FAM53A: variants seen among roughly 807,000 people sequenced by gnomAD.
The protein encoded by FAM53A is protein FAM53A.
FAM53A carries 28 observed loss-of-function variants against 26.6 expected under a neutral mutation model. The ratio of observed to expected loss-of-function variants is 1.05; its 90% CI spans 0.78 to 1.45. The LOEUF is 1.45. Ranked by LOEUF, FAM53A falls within the 40% of genes most tolerant of loss-of-function variation. The pLI is 0.00. For missense variants in FAM53A, 650 were observed against 575.8 expected (o/e 1.13, Z -1.32); for synonymous variants, 290 against 253.1 (o/e 1.15, Z -1.38).
At chr4:1,626,294 C>T (rs566639725) in intron 1 of FAM53A, among the ~76,000 whole-genome samples, 4 of 152,336 alleles carry the variant, frequency 2.6e-5, no homozygotes, top group Middle Eastern at 3.4e-3. Context: ...AGACGGTGGC[C>T]GTCACGAGCC....
chr4:1,648,508 T>C (rs1482947079), intron 4 of FAM53A, among the ~76,000 whole-genome samples: 1 of 152,120 alleles, frequency 6.6e-6, no homozygotes, highest in African/African-American at 2.4e-5. Context: ...GGCTCTGGGT[T>C]TGCAGACGTG....
the FAM53A span, among the ~76,000 whole-genome samples, chr4:1,601,593 G>A: frequency 2.7e-5 from 3 of 109,388 alleles, 1 homozygote; most frequent in African/African-American, 9.0e-5. Context: ...TCTGCCATGC[G>A]CCCCATCTGC....
chr4:1,670,819 G>A (rs892946629), intron 1 of FAM53A, among the ~76,000 whole-genome samples: 35 of 152,162 alleles, frequency 2.3e-4, no homozygotes, highest in African/African-American at 8.2e-4. Context: ...CACGCTGGTC[G>A]ATGTCAGCTG....
the FAM53A span, among the ~76,000 whole-genome samples, chr4:1,611,209 C>T: frequency 6.6e-6 from 1 of 152,216 alleles, no homozygotes; most frequent in African/African-American, 2.4e-5. Context: ...TGTGTGTGGC[C>T]TTCACTCCTC....
chr4:1,610,179 T>G, the FAM53A span, among the ~76,000 whole-genome samples: 1 of 151,572 alleles, frequency 6.6e-6, no homozygotes, highest in South Asian at 2.1e-4. Context: ...CACCCAGGAC[T>G]GGGCCCGTCC....
intron 1 of FAM53A, among the ~76,000 whole-genome samples, chr4:1,675,948 C>G (rs932688089): frequency 2.6e-5 from 4 of 152,264 alleles, no homozygotes; most frequent in Admixed American, 1.3e-4. Context: ...ATGGCCGCCT[C>G]ACGGGACAGC....
the FAM53A span, among the ~76,000 whole-genome samples, chr4:1,605,684 T>G: frequency 6.6e-6 from 1 of 151,992 alleles, no homozygotes. The surrounding 1 kb of genome is among the most constrained non-coding windows in gnomAD (Gnocchi z 5.7). Flanking sequence ...CCCTGCAGGG[T>G]GAGCTCTGCC....
chr4:1,664,541 C>T (rs923565003), intron 2 of FAM53A, among the ~76,000 whole-genome samples: 1 of 152,198 alleles, frequency 6.6e-6, no homozygotes, highest in African/African-American at 2.4e-5. Context: ...ATTTAAAATA[C>T]TGACTTGTTT....
At chr4:1,603,183 T>C in the FAM53A span, among the ~76,000 whole-genome samples, 1 of 152,032 alleles carries the variant, frequency 6.6e-6, no homozygotes, top group Admixed American at 6.5e-5. Context: ...TCAGTTTCCT[T>C]GGATAAGACA....
At chr4:1,582,374 G>A in the FAM53A span, among the ~76,000 whole-genome samples, 2 of 152,310 alleles carry the variant, frequency 1.3e-5, no homozygotes, top group East Asian at 1.9e-4. Flanking sequence ...TCCCTGCCAC[G>A]GACGTCACCA....
chr4:1,611,653 G>A, the FAM53A span, among the ~76,000 whole-genome samples: 4 of 152,216 alleles, frequency 2.6e-5, no homozygotes, highest in African/African-American at 9.6e-5. Context: ...CAGCAGAGGC[G>A]CCTCCGTGGG....
the FAM53A span, among the ~76,000 whole-genome samples, chr4:1,585,895 G>T: frequency 6.6e-6 from 1 of 151,202 alleles, no homozygotes; most frequent in African/African-American, 2.4e-5. Flanking sequence ...TGGCTAATTT[G>T]TGTGTGTGTG....
the FAM53A span, among the ~76,000 whole-genome samples, chr4:1,580,577 G>GCCTCCCGCCCTAGGCCCCT: frequency 7.3e-5 from 2 of 27,390 alleles, no homozygotes; most frequent in African/African-American, 3.2e-4. Context: ...CCTAGGCCCC[G>GCCTCCCGCCCTAGGCCCCT]CCTCCTACCT....
chr4:1,664,907 G>A (rs1212503760), intron 2 of FAM53A, among the ~76,000 whole-genome samples: 1 of 152,190 alleles, frequency 6.6e-6, no homozygotes, highest in Non-Finnish European at 1.5e-5. Flanking sequence ...GAACCCAGGA[G>A]GCGGGGGTTA....
At chr4:1,623,390 C>T (rs28722656) in intron 1 of FAM53A, among the ~76,000 whole-genome samples, 2 of 151,500 alleles carry the variant, frequency 1.3e-5, no homozygotes, top group Non-Finnish European at 2.9e-5. Context: ...AGCAGAGTTG[C>T]GTTTCCGGCC....
chr4:1,598,809 G>A, the FAM53A span, among the ~76,000 whole-genome samples: 2 of 152,264 alleles, frequency 1.3e-5, no homozygotes, highest in Admixed American at 6.5e-5. Flanking sequence ...CCCGGCGGGC[G>A]GAGCGTAATG....
At chr4:1,588,213 G>A in the FAM53A span, among the ~76,000 whole-genome samples, 1 of 152,182 alleles carries the variant, frequency 6.6e-6, no homozygotes, top group Non-Finnish European at 1.5e-5. Flanking sequence ...GTCCTCAATT[G>A]TTTCAACACT....
chr4:1,657,606 T>C, intron 2 of FAM53A, 138 bp from the exon 3 acceptor site: 1 of 757,932 alleles, frequency 1.3e-6, no homozygotes, highest in Non-Finnish European at 2.2e-6. Flanking sequence ...CACAGTTTTA[T>C]TAAAACCTAA....
At chr4:1,660,834 T>C (rs1577133692) in intron 2 of FAM53A, among the ~76,000 whole-genome samples, 1 of 150,836 alleles carries the variant, frequency 6.6e-6, no homozygotes, top group South Asian at 2.1e-4. Flanking sequence ...TGAGCGGAGA[T>C]CACGCCTCTG....
Sources: allele counts gnomAD v4.1 joint callset (sites outside exome capture counted in the v4.1 genomes callset), GRCh38; gene constraint gnomAD v4.1.1; non-coding constraint Gnocchi (gnomAD v3.1); transcripts MANE v1.5; gene names NCBI Gene and HGNC (gene_info 2026-07-23, HGNC 2026-07-21).